The following AS3MT variants were observed in gnomAD, a reference collection of about 807,000 sequenced individuals.
AS3MT encodes the protein arsenite methyltransferase, also known as S-adenosyl-L-methionine:arsenic(III) methyltransferase.
In AS3MT, 47 loss-of-function variants were observed where a neutral mutation model predicts 45.3. The observed-to-expected ratio is 1.04, with a 90% confidence interval of 0.82 to 1.32. The LOEUF (loss-of-function observed/expected upper bound fraction) is 1.32. Among genes scored for constraint, AS3MT ranks in the 40% most tolerant of loss-of-function variants. The probability of loss-of-function intolerance (pLI) is 0.00; values close to 1 mark genes in which losing one functional copy is unlikely to be tolerated. For synonymous variants in AS3MT, 141 were observed against 152.8 expected, an observed-to-expected ratio of 0.92 and a Z score of 0.57; for missense variants, 396 against 451.1, an observed-to-expected ratio of 0.88 and a Z score of 1.11.
At chr10:102,896,673 G>A (rs1475052617) in intron 10 of AS3MT, among the ~76,000 whole-genome samples, 2 of 152,072 alleles carry the variant, frequency 1.3e-5, no homozygotes, top group Admixed American at 1.3e-4. Context: ...GCCGGGCGTG[G>A]TGGCATGCGC....
intron 9 of AS3MT, among the ~76,000 whole-genome samples, chr10:102,888,976 C>T (rs544747694): frequency 2.7e-5 from 4 of 149,960 alleles, no homozygotes; most frequent in East Asian, 2.0e-4. Context: ...CTGCAAGCTC[C>T]GCCTCCCGGG....
chr10:102,889,745 A>C (rs1380815930), intron 9 of AS3MT, among the ~76,000 whole-genome samples: 1 of 143,978 alleles, frequency 6.9e-6, no homozygotes, highest in Non-Finnish European at 1.5e-5. Flanking sequence ...GCGCAATCTC[A>C]GCTCACTACA....
At chr10:102,883,805 T>C (rs1844904427) in intron 9 of AS3MT, among the ~76,000 whole-genome samples, 1 of 151,984 alleles carries the variant, frequency 6.6e-6, no homozygotes, top group Non-Finnish European at 1.5e-5. Context: ...ATTTTAAAAA[T>C]TGTATATATA....
chr10:102,899,245 CCTCCCAGAGTGCTGGGATTA>C (rs1295692679), intron 10 of AS3MT, among the ~76,000 whole-genome samples: 1 of 152,138 alleles, frequency 6.6e-6, no homozygotes, highest in Non-Finnish European at 1.5e-5. Context: ...ACTGCCTTGG[CCTCCCAGAGTGCTGGGATTA>C]CTCCCAGAGT....
intron 10 of AS3MT, among the ~76,000 whole-genome samples, chr10:102,896,671 T>C (rs2134133668): frequency 6.6e-6 from 1 of 151,866 alleles, no homozygotes; most frequent in East Asian, 1.9e-4. Context: ...TAGCCGGGCG[T>C]GGTGGCATGC....
At chr10:102,880,626 G>A (rs1469285686) in intron 9 of AS3MT, among the ~76,000 whole-genome samples, 2 of 152,178 alleles carry the variant, frequency 1.3e-5, no homozygotes, top group South Asian at 2.1e-4. Context: ...CGAAGTCCAC[G>A]TTAAGCATTG....
intron 9 of AS3MT, among the ~76,000 whole-genome samples, chr10:102,886,118 G>T (rs1318461140): frequency 1.3e-5 from 2 of 151,474 alleles, no homozygotes; most frequent in Non-Finnish European, 1.5e-5. Flanking sequence ...TTTTCATTTT[G>T]TTGATCTTCT....
chr10:102,874,081 C>T (rs554580778), intron 5 of AS3MT, among the ~76,000 whole-genome samples: 1 of 152,056 alleles, frequency 6.6e-6, no homozygotes, highest in African/African-American at 2.4e-5. Flanking sequence ...GGCGAAACCC[C>T]GTCTCTACTA....
chr10:102,896,009 C>T (rs989056570), intron 10 of AS3MT, among the ~76,000 whole-genome samples: 3 of 151,812 alleles, frequency 2.0e-5, no homozygotes, highest in Non-Finnish European at 2.9e-5. Context: ...CTCCTGACCT[C>T]AGGTAATCCA....
chr10:102,869,524 G>C lies in AS3MT; in HGVS notation c.-69G>C. On this transcript the variant is annotated 5_prime_UTR_variant, in exon 1 of 11. Transcript: ENST00000369880. ...CTGAGTCGCAGGCCGAGGAGACAGT[G>C]AGTGCGCGCCCTGAGTCGCAGGCCG... 1 of 1,344,500 alleles carries C rather than the reference G, an allele frequency of 7.4e-7. No individual in the cohort carries two copies. Among genetic ancestry groups the C allele is most frequent in the Non-Finnish European group, 9.6e-7 (1 of 1,045,612 alleles). 83.3% of individuals were successfully genotyped at this position (1,344,500 alleles called of 1,614,324 possible). A position where few individuals can be genotyped will look rare whatever the true frequency, so the allele number is the denominator to read the frequency against.
At position 102,900,595 on chromosome 10, in the gene AS3MT, T is replaced by C; in HGVS notation, c.1023T>C (p.Asp341=). 1 of 1,612,454 alleles carries C rather than the reference T, an allele frequency of 6.2e-7. No individual in the cohort carries two copies. Among genetic ancestry groups the C allele is most frequent in the East Asian group, 2.2e-5 (1 of 44,870 alleles). Residue 341 remains aspartate (D), a splice_region_variant and synonymous_variant, in exon 11 of 11, where the codon GAT becomes GAC. Transcript: ENST00000369880. ...CATTTTGGTTTGCCTTTTGACAGGA[T>C]ATAATCACAGATCCATTTAAGCTTG... ...SGGCSALELK[D]IITDPFKLAE...
intron 10 of AS3MT, among the ~76,000 whole-genome samples, chr10:102,891,919 A>C (rs1033516295): frequency 7.4e-6 from 1 of 134,916 alleles, no homozygotes; most frequent in South Asian, 2.4e-4. Flanking sequence ...ACTGCACTCC[A>C]GCCTGGGCAA....
intron 4 of AS3MT, 107 bp from the exon 5 acceptor site, chr10:102,872,990 C>T (rs560657002): frequency 1.1e-6 from 1 of 950,094 alleles, no homozygotes; most frequent in African/African-American, 1.7e-5. Flanking sequence ...GTATGTTTAT[C>T]CAAAATAATC....
intron 8 of AS3MT, 129 bp from the exon 9 acceptor site, chr10:102,878,720 G>A: frequency 7.4e-7 from 1 of 1,348,288 alleles, no homozygotes; most frequent in Non-Finnish European, 1.0e-6. Context: ...AGAGTGAAGT[G>A]CTCAGAAAGA....
chr10:102,877,236 T>C (rs1201673878), intron 7 of AS3MT, among the ~76,000 whole-genome samples: 1 of 152,246 alleles, frequency 6.6e-6, no homozygotes, highest in African/African-American at 2.4e-5. Context: ...GTTTTCCAAA[T>C]TGTAAAATGT....
At chr10:102,876,071 CA>C (rs1368821923) in intron 6 of AS3MT, among the ~76,000 whole-genome samples, 9 of 151,924 alleles carry the variant, frequency 5.9e-5, no homozygotes, top group African/African-American at 2.2e-4. Context: ...CTATCTCCAC[CA>C]AAAATGTACT....
At chr10:102,876,745 T>C (rs564225248) in intron 6 of AS3MT, among the ~76,000 whole-genome samples, 1 of 152,348 alleles carries the variant, frequency 6.6e-6, no homozygotes, top group South Asian at 2.1e-4. Flanking sequence ...TTTTATTACC[T>C]GTTGGATAAG....
intron 10 of AS3MT, among the ~76,000 whole-genome samples, chr10:102,896,282 G>A (rs35125602): frequency 0.095 from 14,035 of 148,334 alleles, 842 homozygotes; most frequent in East Asian, 0.27. Context: ...GTAGTGAGCC[G>A]TGATCACAAC....
chr10:102,882,003 G>A (rs1475330072), intron 9 of AS3MT, among the ~76,000 whole-genome samples: 1 of 150,398 alleles, frequency 6.6e-6, no homozygotes, highest in Non-Finnish European at 1.5e-5. Context: ...GCAGTGGCCC[G>A]ATCTCGGCTC....
Sources: gnomAD v4.1 joint callset for allele counts (sites outside exome capture counted in the v4.1 genomes callset) on GRCh38, gnomAD v4.1.1 for gene constraint, MANE v1.5 for transcripts, NCBI Gene and HGNC (gene_info 2026-07-23, HGNC 2026-07-21) for gene names.